The following CDH12 variants were observed in gnomAD, a reference collection of about 807,000 sequenced individuals.
CDH12 encodes cadherin-12.
CDH12 carries 41 observed loss-of-function variants against 74.1 expected under a neutral mutation model. The observed-to-expected ratio is 0.55, with a 90% CI of 0.43 to 0.72. The LOEUF (loss-of-function observed/expected upper bound fraction) is 0.72, where lower values mean the gene tolerates loss of function less well. CDH12 is among the 30% of genes least tolerant of loss of function. The probability of loss-of-function intolerance (pLI) is 0.00; values close to 1 mark genes in which losing one functional copy is unlikely to be tolerated. For missense variants in CDH12, 945 were observed against 977.2 expected (o/e 0.97, Z 0.44); for synonymous variants, 399 against 355.0 (o/e 1.12, Z -1.39).
At chr5:22,505,592 G>A (rs1736350241) in intron 1 of CDH12, among the ~76,000 whole-genome samples, 1 of 151,946 alleles carries the variant, frequency 6.6e-6, no homozygotes, top group African/African-American at 2.4e-5. Flanking sequence ...GATACATTGT[G>A]ATATATAGTG....
At chr5:22,046,037 A>T (rs771825082) in intron 5 of CDH12, among the ~76,000 whole-genome samples, 8 of 152,156 alleles carry the variant, frequency 5.3e-5, no homozygotes, top group Non-Finnish European at 1.2e-4. Flanking sequence ...AATAAAATAA[A>T]ACTTAGAAGT....
intron 1 of CDH12, among the ~76,000 whole-genome samples, chr5:22,559,259 CAA>C (rs1436378205): frequency 6.6e-6 from 1 of 151,804 alleles, no homozygotes; most frequent in Non-Finnish European, 1.5e-5. Context: ...AAATGAAAAT[CAA>C]AGAGAAAAAA....
rs577879579 is a variant in CDH12, at chr5:22,075,000, G to T, written c.231+3446C>A. Among the ~76,000 whole-genome samples, 177 of 151,888 alleles carry T rather than the reference G, an allele frequency of 1.2e-3. 3 individuals are homozygous for T. The highest frequency in any genetic ancestry group is 8.0e-3 in the East Asian group (41 of 5,118). ...ATTATAAAACATGGTGCTATAAAGA[G>T]ACATGCACACGTATGTTTATTGTGG... On this transcript the variant is annotated intron_variant, in intron 5 of 14. Coordinates refer to ENST00000382254, the MANE Select transcript of CDH12 (RefSeq NM_004061.5).
intron 4 of CDH12, among the ~76,000 whole-genome samples, chr5:22,203,528 C>T (rs1751036974): frequency 6.6e-6 from 1 of 152,176 alleles, no homozygotes; most frequent in African/African-American, 2.4e-5. Context: ...CATATCTTGG[C>T]TGTTGTACAT....
intron 5 of CDH12, among the ~76,000 whole-genome samples, chr5:22,044,508 T>G (rs1739795549): frequency 6.6e-6 from 1 of 152,084 alleles, no homozygotes; most frequent in Non-Finnish European, 1.5e-5. Flanking sequence ...GTCATGAGAA[T>G]AGCATGGAGG....
Position 22,307,873 on chromosome 5 carries a change from G to GTTTTTTT in CDH12, c.-332-95237_-332-95231dup, listed in dbSNP as rs35242143. The stretch of plus-strand genomic sequence containing the variant: ...TATATATTTTTGCTGCTTTCTTTTA[G>GTTTTTTT]TTTTTTTTTTTTTTTTTTTTTTTTT... On this transcript the variant is annotated intron_variant, in intron 3 of 14. Transcript: ENST00000382254. Among the ~76,000 whole-genome samples the GTTTTTTT allele has an allele frequency of 8.3e-4, 57 of 68,676 alleles. 7 individuals carry two copies. The highest frequency in any genetic ancestry group is 2.3e-3 in the South Asian group (3 of 1,332). The allele number at this position is 68,676 out of a possible 152,430, so 45.1% of individuals were successfully genotyped here. A position where few individuals can be genotyped will look rare whatever the true frequency, so the allele number is the denominator to read the frequency against.
chr5:22,698,712 T>G (rs1459189683), intron 1 of CDH12, among the ~76,000 whole-genome samples: 196 of 13,892 alleles, frequency 0.014, 21 homozygotes, highest in African/African-American at 0.05. Context: ...TATATATATA[T>G]ATATATATAT....
chr5:22,077,601 C>T (rs1742418047), intron 5 of CDH12, among the ~76,000 whole-genome samples: 1 of 151,900 alleles, frequency 6.6e-6, no homozygotes, highest in Non-Finnish European at 1.5e-5. Flanking sequence ...AAAAAGAATT[C>T]ACAAAATCAA....
chr5:22,282,982 A>G (rs1423631114), intron 3 of CDH12, among the ~76,000 whole-genome samples: 1 of 152,012 alleles, frequency 6.6e-6, no homozygotes, highest in Non-Finnish European at 1.5e-5. Context: ...AAGACTTGGA[A>G]CCAACCCAAC....
At chr5:22,333,315 G>A (rs1580533430) in intron 3 of CDH12, among the ~76,000 whole-genome samples, 1 of 151,958 alleles carries the variant, frequency 6.6e-6, no homozygotes, top group Admixed American at 6.6e-5. Flanking sequence ...GGGCCTCTCG[G>A]GGGGTAGGGG....
intron 1 of CDH12, among the ~76,000 whole-genome samples, chr5:22,689,474 T>C (rs191342728): frequency 1.6e-3 from 241 of 152,206 alleles, no homozygotes; most frequent in African/African-American, 5.3e-3. Context: ...ACAGTGAAAG[T>C]GTTACAAATA....
intron 8 of CDH12, among the ~76,000 whole-genome samples, chr5:21,818,238 G>A (rs1453725454): frequency 6.8e-6 from 1 of 147,152 alleles, no homozygotes; most frequent in African/African-American, 2.5e-5. Flanking sequence ...AATCAACCAT[G>A]GTGATTCATT....
intron 2 of CDH12, among the ~76,000 whole-genome samples, chr5:22,425,109 A>T (rs1743847723): frequency 6.8e-6 from 1 of 146,038 alleles, no homozygotes; most frequent in African/African-American, 2.5e-5. Flanking sequence ...GAGAATTTTT[A>T]CATATGAAAT....
intron 5 of CDH12, among the ~76,000 whole-genome samples, chr5:22,014,163 G>A (rs1390754374): frequency 1.3e-5 from 2 of 152,188 alleles, no homozygotes; most frequent in Non-Finnish European, 2.9e-5. Context: ...GGAGGCGGAT[G>A]TTGCAGTGCA....
intron 3 of CDH12, among the ~76,000 whole-genome samples, chr5:22,236,611 C>T (rs1232925546): frequency 6.6e-6 from 1 of 151,962 alleles, no homozygotes; most frequent in African/African-American, 2.4e-5. Flanking sequence ...GCTGGACATT[C>T]TAGCGCAGGC....
At chr5:22,382,383 G>A (rs1448342834) in intron 3 of CDH12, among the ~76,000 whole-genome samples, 1 of 151,110 alleles carries the variant, frequency 6.6e-6, no homozygotes, top group African/African-American at 2.4e-5. Flanking sequence ...TAAGCCCACT[G>A]TCACTTCCCT....
intron 2 of CDH12, among the ~76,000 whole-genome samples, chr5:22,444,899 G>A (rs1238454641): frequency 6.6e-6 from 1 of 151,594 alleles, no homozygotes; most frequent in Non-Finnish European, 1.5e-5. Flanking sequence ...TCTTGTTTTA[G>A]TGCTTATATA....
intron 10 of CDH12, among the ~76,000 whole-genome samples, chr5:21,790,978 T>C (rs765727817): frequency 6.6e-6 from 1 of 152,066 alleles, no homozygotes; most frequent in Non-Finnish European, 1.5e-5. Flanking sequence ...CTGGTATCTA[T>C]TTTTTATCTC....
intron 1 of CDH12, among the ~76,000 whole-genome samples, chr5:22,623,603 A>T (rs1738103081): frequency 6.6e-6 from 1 of 152,214 alleles, no homozygotes; most frequent in South Asian, 2.1e-4. Context: ...AATCCAACTT[A>T]CAAGGGACAT....
Sources: gnomAD v4.1 joint callset for allele counts (sites outside exome capture counted in the v4.1 genomes callset) on GRCh38, gnomAD v4.1.1 for gene constraint, MANE v1.5 for transcripts, NCBI Gene and HGNC (gene_info 2026-07-23, HGNC 2026-07-21) for gene names.